The following ZNF93 variants were observed in gnomAD, a reference collection of about 807,000 sequenced individuals.
ZNF93 encodes the protein zinc finger protein 93.
A neutral mutation model predicts 45.0 loss-of-function variants in ZNF93; 29 were observed. The ratio of observed to expected loss-of-function variants is 0.64; its 90% CI spans 0.48 to 0.88. The LOEUF (loss-of-function observed/expected upper bound fraction) is 0.88. Ranked by LOEUF, ZNF93 falls within the 40% of genes least tolerant of loss-of-function variation. ZNF93 has a pLI of 0.00. For missense variants in ZNF93, 578 were observed against 724.0 expected, an observed-to-expected ratio of 0.80 and a Z score of 2.31; for synonymous variants, 223 against 244.6, an observed-to-expected ratio of 0.91 and a Z score of 0.82.
intron 3 of ZNF93, chr19:19,927,197 A>C: frequency 2.5e-6 from 1 of 398,512 alleles, no homozygotes; most frequent in Non-Finnish European, 4.4e-6. Flanking sequence ...AAAGTTTGAG[A>C]ACAGCCTGGG....
At chr19:19,927,270 G>T in intron 3 of ZNF93, 1 of 398,156 alleles carries the variant, frequency 2.5e-6, no homozygotes, top group Non-Finnish European at 4.4e-6. Context: ...GTGGTGTGCA[G>T]CTGTGGTCCC....
At chr19:19,906,517 AC>A (rs2122162122) in intron 1 of ZNF93, among the ~76,000 whole-genome samples, 1 of 143,696 alleles carries the variant, frequency 7.0e-6, no homozygotes, top group East Asian at 2.1e-4. Flanking sequence ...TGCTGTGAAA[AC>A]CTCTTTAGTT....
rs1008820686 is a variant in ZNF93 at position 19,935,083 on chromosome 19, A to G, written c.*265A>G. The G allele has an allele frequency of 9.2e-6, 4 of 436,832 alleles. No individual in the cohort carries two copies. The highest frequency in any genetic ancestry group is 5.9e-5 in the African/African-American group (3 of 50,456). 27.1% of individuals were successfully genotyped at this position (436,832 alleles called of 1,614,324 possible). A position where few individuals can be genotyped will look rare whatever the true frequency, so the allele number is the denominator to read the frequency against. Reference sequence around the variant, plus strand: ...ACAGCTTAAGGTCAGTTCTGCCTATATAGAAACCCACACAGTTAACCTGAG... The same window carrying G: ...ACAGCTTAAGGTCAGTTCTGCCTATGTAGAAACCCACACAGTTAACCTGAG... On this transcript the variant is annotated 3_prime_UTR_variant, in exon 4 of 4. Coordinates refer to ENST00000343769, the MANE Select transcript of ZNF93 (RefSeq NM_031218.4).
intron 1 of ZNF93, chr19:19,908,602 G>A (rs761261615): frequency 3.3e-5 from 5 of 151,996 alleles, no homozygotes; most frequent in Non-Finnish European, 7.3e-5. Context: ...CAGCACTTTG[G>A]GAGGCCGAGG....
intron 3 of ZNF93, among the ~76,000 whole-genome samples, chr19:19,929,243 A>T (rs756602461): frequency 2.6e-5 from 4 of 152,222 alleles, no homozygotes; most frequent in Non-Finnish European, 5.9e-5. Flanking sequence ...CACCAGAAGC[A>T]GATGCTGGCA....
intron 3 of ZNF93, among the ~76,000 whole-genome samples, chr19:19,919,492 A>G (rs2063336368): frequency 1.3e-5 from 2 of 152,178 alleles, no homozygotes; most frequent in Admixed American, 6.5e-5. Flanking sequence ...CTGTGAAGAA[A>G]GTCATTGGTA....
intron 2 of ZNF93, 142 bp downstream of exon 2, chr19:19,915,548 A>T: frequency 8.0e-7 from 1 of 1,252,082 alleles, no homozygotes; most frequent in Middle Eastern, 2.2e-4. Flanking sequence ...GAATTTGTTC[A>T]TTTAGAAAAG....
chr19:19,916,868 C>T (rs2063325878), intron 3 of ZNF93, among the ~76,000 whole-genome samples: 1 of 151,950 alleles, frequency 6.6e-6, no homozygotes, highest in Admixed American at 6.6e-5. Context: ...AAGGATTCTA[C>T]TTTTGTTTTG....
chr19:19,919,225 C>A (rs1212974444), intron 3 of ZNF93, among the ~76,000 whole-genome samples: 2 of 152,166 alleles, frequency 1.3e-5, no homozygotes, highest in African/African-American at 2.4e-5. Flanking sequence ...TTCCCCATTT[C>A]TTGTTTTTGT....
At position 19,933,982 on chromosome 19, in the gene ZNF93, T is replaced by G; in HGVS notation, c.1027T>G (p.Cys343Gly). The change falls in exon 4 of 4, where the codon TGT (cysteine) becomes GGT (glycine). Residue 343 changes from cysteine (C) to glycine (G), a missense_variant. By Grantham distance (159) the Cys-to-Gly change is radical. Coordinates refer to ENST00000343769, the MANE Select transcript of ZNF93 (RefSeq NM_031218.4). ...TCATACTGGAGAGAAACCATACAAG[T>G]GTAATAAATGTGGCAAAGCCTTTAT... is the stretch of plus-strand genomic sequence containing the variant. ...RIHTGEKPYK[C>G]NKCGKAFIAS... 12 of 1,612,558 alleles carry G rather than the reference T, an allele frequency of 7.4e-6. No homozygotes were observed. The highest frequency in any genetic ancestry group is 1.0e-5 in the Non-Finnish European group (12 of 1,179,422).
At chr19:19,913,308 C>A (rs2063314861) in intron 1 of ZNF93, among the ~76,000 whole-genome samples, 1 of 152,122 alleles carries the variant, frequency 6.6e-6, no homozygotes, top group Non-Finnish European at 1.5e-5. Flanking sequence ...GATCACATGA[C>A]CAATTTGCTG....
Position 19,933,393 on chromosome 19 carries a change from A to G in ZNF93, c.438A>G (p.Gln146=), listed in dbSNP as rs969395215. The change falls in exon 4 of 4, where the codon CAA becomes CAG. Residue 146 remains glutamine, a synonymous_variant. Transcript: ENST00000343769. ...CSTTTQSKVF[Q]CDKYGKVFHK... Reference sequence around the variant, plus strand: ...CAACTACCCAGAGCAAAGTATTTCAATGTGATAAATATGGGAAAGTCTTTC... The same window carrying G: ...CAACTACCCAGAGCAAAGTATTTCAGTGTGATAAATATGGGAAAGTCTTTC... The G allele has an allele frequency of 1.1e-5, 18 of 1,600,806 alleles. No individual in the cohort carries two copies. The highest frequency in any genetic ancestry group is 5.6e-5 in the South Asian group (5 of 88,698).
At chr19:19,917,585 G>A (rs1287353658) in intron 3 of ZNF93, among the ~76,000 whole-genome samples, 1 of 151,952 alleles carries the variant, frequency 6.6e-6, no homozygotes, top group Non-Finnish European at 1.5e-5. Context: ...AGTTTAGACA[G>A]CTTTTTAAAT....
chr19:19,903,690 C>T (rs189899663), intron 1 of ZNF93, among the ~76,000 whole-genome samples: 1 of 152,066 alleles, frequency 6.6e-6, no homozygotes, highest in Non-Finnish European at 1.5e-5. Context: ...CGCTAGAACC[C>T]GAGAAGCAGA....
At chr19:19,925,694 G>T (rs553811286) in intron 3 of ZNF93, among the ~76,000 whole-genome samples, 10 of 152,180 alleles carry the variant, frequency 6.6e-5, no homozygotes, top group African/African-American at 2.4e-4. Context: ...AGGCAAAAAG[G>T]AATTAAAGGA....
chr19:19,915,434 T>A, intron 2 of ZNF93, 28 bp downstream of exon 2: 1 of 1,601,920 alleles, frequency 6.2e-7, no homozygotes, highest in Non-Finnish European at 8.5e-7. Context: ...ACATAATTCA[T>A]AATACACCCT....
chr19:19,905,751 C>A (rs1013959153), intron 1 of ZNF93, among the ~76,000 whole-genome samples: 5 of 152,046 alleles, frequency 3.3e-5, no homozygotes, highest in African/African-American at 7.2e-5. Flanking sequence ...CATTACCACA[C>A]CTGGCCAATT....
chr19:19,920,375 T>A (rs1229164335), intron 3 of ZNF93, among the ~76,000 whole-genome samples: 1 of 152,234 alleles, frequency 6.6e-6, no homozygotes, highest in East Asian at 1.9e-4. Context: ...GATTTTTGCA[T>A]CGATGTTCAT....
intron 3 of ZNF93, among the ~76,000 whole-genome samples, chr19:19,924,363 T>C (rs1375864643): frequency 6.6e-6 from 1 of 152,108 alleles, no homozygotes; most frequent in South Asian, 2.1e-4. Flanking sequence ...AGTGCTGGGA[T>C]TACAGCCGTG....
Sources: allele counts gnomAD v4.1 joint callset (sites outside exome capture counted in the v4.1 genomes callset), GRCh38; gene constraint gnomAD v4.1.1; transcripts MANE v1.5; gene names NCBI Gene and HGNC (gene_info 2026-07-23, HGNC 2026-07-21).